The following PHF21A variants were observed in gnomAD, a reference collection of about 807,000 sequenced individuals.
PHF21A encodes BHC80a.
A neutral mutation model predicts 82.5 loss-of-function variants in PHF21A; 11 were observed. The observed-to-expected ratio is 0.13, with a 90% CI of 0.08 to 0.22. PHF21A has a LOEUF of 0.22. PHF21A is among the 10% of genes least tolerant of loss of function. PHF21A has a pLI of 1.00. For synonymous variants in PHF21A, 297 were observed against 302.8 expected (o/e 0.98, Z 0.20); for missense variants, 579 against 837.8 (o/e 0.69, Z 3.81).
At chr11:46,088,442 T>C (rs1240562402) in intron 3 of PHF21A, among the ~76,000 whole-genome samples, 1 of 141,422 alleles carries the variant, frequency 7.1e-6, no homozygotes, top group African/African-American at 2.7e-5. Context: ...CAACAAAACA[T>C]AAAAACCAAA....
At chr11:45,997,766 C>T (rs746103665) in intron 6 of PHF21A, among the ~76,000 whole-genome samples, 1 of 152,200 alleles carries the variant, frequency 6.6e-6, no homozygotes, top group Non-Finnish European at 1.5e-5. Context: ...GCTTGTCTCA[C>T]GGTGCAAATC....
chr11:45,991,216 T>C (rs2094687929), intron 6 of PHF21A, among the ~76,000 whole-genome samples: 1 of 152,220 alleles, frequency 6.6e-6, no homozygotes, highest in Non-Finnish European at 1.5e-5. Flanking sequence ...TGATAGTTCA[T>C]TTCTTTTTAG....
chr11:46,110,727 G>C (rs2097202428), intron 1 of PHF21A, among the ~76,000 whole-genome samples: 1 of 151,922 alleles, frequency 6.6e-6, no homozygotes, highest in Admixed American at 6.6e-5. Context: ...TATCAGACCA[G>C]ATTCCATACA....
chr11:45,934,432 C>T (rs1367614562), intron 18 of PHF21A: 1 of 547,072 alleles, frequency 1.8e-6, no homozygotes, highest in African/African-American at 1.9e-5. Context: ...GCTGGGGGGT[C>T]CCAGGTCCCA....
At chr11:46,063,750 T>C (rs1044121439) in intron 6 of PHF21A, among the ~76,000 whole-genome samples, 4 of 152,314 alleles carry the variant, frequency 2.6e-5, no homozygotes, top group Admixed American at 6.5e-5. Context: ...AAGAGTTATA[T>C]ATAATTTTAT....
chr11:46,100,744 A>C (rs1368735050), intron 1 of PHF21A, among the ~76,000 whole-genome samples: 1 of 152,218 alleles, frequency 6.6e-6, no homozygotes, highest in Non-Finnish European at 1.5e-5. Flanking sequence ...TAATGCAACC[A>C]AATAAATTCA....
intron 6 of PHF21A, among the ~76,000 whole-genome samples, chr11:46,048,585 C>A (rs542848284): frequency 1.3e-5 from 2 of 151,952 alleles, no homozygotes; most frequent in East Asian, 3.9e-4. Context: ...GCCTGGCCAA[C>A]ATGGTGAAAC....
chr11:46,036,859 A>G (rs1471610103), intron 6 of PHF21A, among the ~76,000 whole-genome samples: 3 of 152,204 alleles, frequency 2.0e-5, no homozygotes, highest in Non-Finnish European at 2.9e-5. Flanking sequence ...TTGTTTAAAT[A>G]GCATTTTTTA....
intron 6 of PHF21A, among the ~76,000 whole-genome samples, chr11:46,039,354 A>G (rs1344941588): frequency 6.6e-6 from 1 of 152,138 alleles, no homozygotes; most frequent in Non-Finnish European, 1.5e-5. Context: ...TTGTCTGCTT[A>G]TAGTTACAAA....
At position 45,996,511 on chromosome 11, in the gene PHF21A, CAGAG is replaced by C. The variant is rs142744198; in HGVS notation, c.154-16549_154-16546del. On this transcript the variant is annotated intron_variant, in intron 6 of 18. Transcript: ENST00000676320. ...ATAAATGATTTCCCTTTTTGAGAGA[CAGAG>C]AGAGAGAGAGAAACGTATTCCATTA... Among the ~76,000 whole-genome samples the C allele has an allele frequency of 7.0e-3, 1,051 of 151,102 alleles. 10 individuals carry two copies. Among genetic ancestry groups the C allele is most frequent in the African/African-American group, 0.024 (998 of 41,412 alleles).
chr11:46,036,789 T>A (rs2096013123), intron 6 of PHF21A, among the ~76,000 whole-genome samples: 1 of 152,232 alleles, frequency 6.6e-6, no homozygotes. Context: ...AGTCATTGAT[T>A]TTCCTGGTTT....
rs2093925278 is a variant in PHF21A at position 45,974,419 on chromosome 11, AT to A, written c.361-3053del. ...AGAGAAGAAAGGTGTCAAACGACAA[AT>A]TATTATTATTATTATTATTATTATT... is the stretch of plus-strand genomic sequence containing the variant. On this transcript the variant is annotated intron_variant, in intron 7 of 18. Transcript: ENST00000676320. Among the ~76,000 whole-genome samples the A allele has an allele frequency of 0.019, 3 of 158 alleles. 1 individual carries two copies. The South Asian group carries it at 0.38, about 20-fold the overall frequency. The allele number at this position is 158 out of a possible 152,430, so 0.1% of individuals were successfully genotyped here.
intron 10 of PHF21A, among the ~76,000 whole-genome samples, chr11:45,963,136 G>A (rs2135864597): frequency 6.6e-6 from 1 of 152,014 alleles, no homozygotes; most frequent in East Asian, 1.9e-4. Flanking sequence ...AAAATATCTG[G>A]GGGCCGGGTG....
chr11:45,956,770 C>T (rs538370966), intron 10 of PHF21A, among the ~76,000 whole-genome samples: 14 of 151,932 alleles, frequency 9.2e-5, no homozygotes, highest in Admixed American at 5.9e-4. Context: ...GAACAAAAAA[C>T]GTAAGATATA....
intron 6 of PHF21A, among the ~76,000 whole-genome samples, chr11:46,020,198 T>C (rs916257177): frequency 6.6e-6 from 1 of 152,204 alleles, no homozygotes; most frequent in Non-Finnish European, 1.5e-5. Flanking sequence ...GTGGCATCAG[T>C]GGTGTCATTT....
chr11:46,077,275 T>C (rs2096737413), intron 5 of PHF21A, among the ~76,000 whole-genome samples: 1 of 152,228 alleles, frequency 6.6e-6, no homozygotes, highest in Non-Finnish European at 1.5e-5. Flanking sequence ...TTTAGCAAAG[T>C]ACATTTGTTA....
chr11:45,979,673 A>G (rs2094195735), intron 7 of PHF21A, 87 bp downstream of exon 7: 2 of 1,586,280 alleles, frequency 1.3e-6, no homozygotes, highest in East Asian at 4.5e-5. Context: ...TGAGCTTAGT[A>G]TAGTGTGAGA....
chr11:45,959,927 G>A (rs2092969787), intron 10 of PHF21A, among the ~76,000 whole-genome samples: 1 of 152,128 alleles, frequency 6.6e-6, no homozygotes, highest in Non-Finnish European at 1.5e-5. Flanking sequence ...TGGCCAACAA[G>A]CACATGAAAA....
intron 8 of PHF21A, 102 bp downstream of exon 8, chr11:45,971,014 G>T: frequency 7.3e-7 from 1 of 1,366,120 alleles, no homozygotes; most frequent in Non-Finnish European, 9.9e-7. Context: ...GAAGAATGAT[G>T]GAAACTGAGA....
Sources: gnomAD v4.1 joint callset for allele counts (sites outside exome capture counted in the v4.1 genomes callset) on GRCh38, gnomAD v4.1.1 for gene constraint, MANE v1.5 for transcripts, NCBI Gene and HGNC (gene_info 2026-07-23, HGNC 2026-07-21) for gene names.